Variants in PLD2 observed in about 807,000 individuals in gnomAD.
The protein encoded by PLD2 is phospholipase D2.
A neutral mutation model predicts 119.8 loss-of-function variants in PLD2; 101 were observed. The observed-to-expected ratio is 0.84, with a 90% CI of 0.72 to 0.99. The LOEUF (loss-of-function observed/expected upper bound fraction) is 0.99. Among genes scored for constraint, PLD2 ranks in the 50% least tolerant of loss-of-function variants. The pLI, the probability that PLD2 is intolerant of heterozygous loss-of-function variation, is 0.00. For synonymous variants in PLD2, 494 were observed against 482.8 expected (o/e 1.02, Z -0.30); for missense variants, 1,164 against 1,226.8 (o/e 0.95, Z 0.76).
intron 10 of PLD2, among the ~76,000 whole-genome samples, chr17:4,813,213 T>A (rs989874848): frequency 6.6e-6 from 1 of 152,184 alleles, no homozygotes; most frequent in Admixed American, 6.5e-5. Context: ...TTTCACCATG[T>A]TGGCCAGGCT....
Position 4,808,980 on chromosome 17 carries a change from C to T in PLD2, c.384-120C>T. 2.7e-6 allele frequency: 2 copies of T among 753,670 alleles called. No homozygotes were observed. Among genetic ancestry groups the T allele is most frequent in the South Asian group, 3.2e-5 (2 of 62,146 alleles). The allele number at this position is 753,670 out of a possible 1,614,324, so 46.7% of individuals were successfully genotyped here. A position where few individuals can be genotyped will look rare whatever the true frequency, so the allele number is the denominator to read the frequency against. ...AAGTGCTGGGATTCCAGGCGTGAGC[C>T]ACCACGCCTGGCCACCTCCAGGCCT... On this transcript the variant is annotated intron_variant, in intron 4 of 24. Coordinates refer to ENST00000263088, the MANE Select transcript of PLD2 (RefSeq NM_002663.5). The surrounding 1 kb of genome is among the most constrained non-coding windows in gnomAD (Gnocchi z 4.1).
At chr17:4,816,798 G>C (rs1391005113) in intron 15 of PLD2, 52 bp downstream of exon 15, 1 of 1,613,612 alleles carries the variant, frequency 6.2e-7, no homozygotes, top group Admixed American at 1.7e-5. Flanking sequence ...AGGGTCAGAA[G>C]CTGGGGCTGG....
At position 4,807,985 on chromosome 17, in the gene PLD2, C is replaced by T. The variant is rs201025028; in HGVS notation, c.111C>T (p.Ala37=). 11 of 1,607,464 alleles carry T rather than the reference C, an allele frequency of 6.8e-6. No homozygotes were observed. The highest frequency in any genetic ancestry group is 8.5e-6 in the Non-Finnish European group (10 of 1,174,588). Residue 37 remains alanine, a splice_region_variant and synonymous_variant, in exon 3 of 25, where the codon GCC becomes GCT. Transcript: ENST00000263088. This position sits in a 1 kb window ranked among gnomAD's most constrained non-coding sequence, Gnocchi z 5.4. The part of the protein sequence containing the change: ...VDTLKEGEDP[A]DRMHPFLAIY... Reference sequence around the variant, plus strand: ...CTCCTCGACTTTCTTTCCTCCCAGCCGACCGGATGCACCCGTTTCTGGCCA... The same window carrying T: ...CTCCTCGACTTTCTTTCCTCCCAGCTGACCGGATGCACCCGTTTCTGGCCA...
In PLD2 at chr17:4,816,982, T is replaced by C. The variant is rs756658452; in HGVS notation, c.1628T>C (p.Val543Ala). ...ETTPRMPWRD[V>A]GVVVHGLPAR... Reference sequence around the variant, plus strand: ...ACCCCTCGGATGCCATGGCGGGACGTTGGGGTGGTCGTCCATGGCCTACCG... The same window carrying C: ...ACCCCTCGGATGCCATGGCGGGACGCTGGGGTGGTCGTCCATGGCCTACCG... The change falls in exon 16 of 25, where the codon GTT becomes GCT. Residue 543 changes from valine (V) to alanine (A), a missense_variant. Transcript: ENST00000263088. 4 of 1,614,048 alleles carry C rather than the reference T, an allele frequency of 2.5e-6. No homozygotes were observed. Among genetic ancestry groups the C allele is most frequent in the Admixed American group, 1.7e-5 (1 of 60,016 alleles).
chr17:4,818,044 A>C lies in PLD2; in HGVS notation c.1858A>C (p.Asn620His). 6.2e-7 allele frequency: 1 copy of C among 1,614,104 alleles called. No homozygotes were observed. The highest frequency in any genetic ancestry group is 8.5e-7 in the Non-Finnish European group (1 of 1,179,932). Residue 620 changes from asparagine to histidine, a missense_variant, in exon 18 of 25, where the codon AAC (asparagine) becomes CAC (histidine). By Grantham distance (68) the Asn-to-His change is moderately conservative. Transcript: ENST00000263088. The part of the protein sequence containing the change: ...VDRWSAGTLE[N>H]SILNAYLHTI... The stretch of plus-strand genomic sequence containing the variant: ...CCGCTGGTCAGCAGGGACTCTGGAG[A>C]ACTCCATCCTCAATGCCTACCTGCA...
intron 10 of PLD2, among the ~76,000 whole-genome samples, chr17:4,811,450 T>C (rs914749126): frequency 6.7e-5 from 7 of 104,108 alleles, no homozygotes. Context: ...CTAATTTTTG[T>C]ATTTTTAGTA....
chr17:4,817,905 C>T (rs928726740), intron 17 of PLD2, 97 bp from the exon 18 acceptor site: 15 of 772,292 alleles, frequency 1.9e-5, no homozygotes, highest in African/African-American at 1.4e-4. Context: ...TTGCAGTGAG[C>T]GGAGATCATG....
In PLD2 at chr17:4,809,981, A is replaced by G. The variant is rs1906284904; in HGVS notation, c.812A>G (p.Lys271Arg). The change falls in exon 9 of 25, where the codon AAA (lysine) becomes AGA (arginine). Residue 271 changes from lysine to arginine, a missense_variant. Lys to Arg is a conservative substitution (Grantham distance 26). Transcript: ENST00000263088. ...FDPGFEVQVG[K>R]RSTEARHGVR... is the part of the protein sequence containing the mutation. ...CCTGGCTTTGAGGTGCAAGTGGGGA[A>G]AAGGAGCACGGAGGCACGGCACGGC... 1 of 1,613,974 alleles carries G rather than the reference A, an allele frequency of 6.2e-7. No homozygotes were observed. The highest frequency in any genetic ancestry group is 1.3e-5 in the African/African-American group (1 of 75,048).
chr17:4,815,694 TCTCC>T, intron 13 of PLD2, 66 bp from the exon 14 acceptor site: 1 of 1,600,268 alleles, frequency 6.2e-7, no homozygotes, highest in Non-Finnish European at 8.5e-7. Context: ...ATCTTTCCTC[TCTCC>T]CTCCCAGTAC....
In PLD2 at chr17:4,819,152, C is replaced by T. The variant is rs1420315024; in HGVS notation, c.2242C>T (p.Pro748Ser). The change falls in exon 22 of 25, where the codon CCC becomes TCC. Residue 748 changes from proline (P) to serine (S), a missense_variant. Pro to Ser is a moderately conservative substitution (Grantham distance 74). Transcript: ENST00000263088. This position sits in a 1 kb window ranked among gnomAD's most constrained non-coding sequence, Gnocchi z 4.2. ...TACACACGGAGAGCTGGGCGGGCAC[C>T]CCGTCTCGGAGCTCATCTACATCCA... is the stretch of plus-strand genomic sequence containing the variant. ...LRTHGELGGHPVSELIYIHSK... is the reference protein window; with the variant it reads ...LRTHGELGGHSVSELIYIHSK... 1 of 1,614,116 alleles carries T rather than the reference C, an allele frequency of 6.2e-7. No individual in the cohort carries two copies. Among genetic ancestry groups the T allele is most frequent in the South Asian group, 1.1e-5 (1 of 91,078 alleles).
In PLD2 at chr17:4,822,857, G is replaced by A. The variant is rs756276907; in HGVS notation, c.2795G>A (p.Trp932Ter). 33 of 1,587,376 alleles carry A rather than the reference G, an allele frequency of 2.1e-5. No homozygotes were observed. The highest frequency in any genetic ancestry group is 2.7e-5 in the Non-Finnish European group (31 of 1,157,232). The change falls in exon 25 of 25, where the codon TGG (tryptophan) becomes TAG (stop). Residue 932 changes from tryptophan (W) to a stop codon, truncating the protein, a stop_gained. Transcript: ENST00000263088. LOFTEE classifies it high-confidence loss of function. ...GAGGGCATGATCCCCCTAGAAGTGTGGACATAGTTGAGGCCCCCGTCAGGG... is the reference window on the plus strand; with the variant it reads ...GAGGGCATGATCCCCCTAGAAGTGTAGACATAGTTGAGGCCCCCGTCAGGG... ...SKEGMIPLEV[W>*]T
rs780985200 is a variant in PLD2, at chr17:4,821,927, G to A, written c.2577+20G>A. The A allele has an allele frequency of 1.0e-5, 15 of 1,506,600 alleles. No individual in the cohort carries two copies. Among genetic ancestry groups the A allele is most frequent in the Middle Eastern group, 3.4e-4 (2 of 5,826 alleles). The allele number at this position is 1,506,600 out of a possible 1,614,324, so 93.3% of individuals were successfully genotyped here. ...GAGCAGGTGGGAACTTGGGAGGGGT[G>A]GGGGAGAGTGGCCTGGGGAAATTTG... On this transcript the variant is annotated intron_variant, in intron 24 of 24. Coordinates refer to ENST00000263088, the MANE Select transcript of PLD2 (RefSeq NM_002663.5).
chr17:4,815,418 G>A (rs1052438579), intron 12 of PLD2, 58 bp from the exon 13 acceptor site: 6 of 1,034,820 alleles, frequency 5.8e-6, no homozygotes, highest in African/African-American at 4.6e-5. Context: ...GTTTGGGAGT[G>A]TGGAAAGGGG....
chr17:4,816,744 A>C lies in PLD2; in HGVS notation c.1580A>C (p.Glu527Ala). The change falls in exon 15 of 25, where the codon GAA becomes GCA. Residue 527 changes from glutamate (E) to alanine (A), a missense_variant and splice_region_variant. By Grantham distance (107) the Glu-to-Ala change is moderately radical (BLOSUM62 -1). Transcript: ENST00000263088. ...TGGGTGCAGCTGGACCGGCCTTTCG[A>C]AGGTGAAGCCTCCCACCCGCCAAAG... is the stretch of plus-strand genomic sequence containing the variant. ...KDWVQLDRPF[E>A]DFIDRETTPR... 1 of 1,614,148 alleles carries C rather than the reference A, an allele frequency of 6.2e-7. No individual in the cohort carries two copies. The highest frequency in any genetic ancestry group is 1.1e-5 in the South Asian group (1 of 91,080).
chr17:4,822,748 C>T lies in PLD2; in HGVS notation c.2686C>T (p.Leu896Phe). 1 of 1,613,920 alleles carries T rather than the reference C, an allele frequency of 6.2e-7. No homozygotes were observed. The highest frequency in any genetic ancestry group is 8.5e-7 in the Non-Finnish European group (1 of 1,179,770). Residue 896 changes from leucine to phenylalanine, a missense_variant, in exon 25 of 25, where the codon CTC becomes TTC. By Grantham distance (22) the Leu-to-Phe change is conservative. Coordinates refer to ENST00000263088, the MANE Select transcript of PLD2 (RefSeq NM_002663.5). ...CAGTCCCCCCTTGGCTCGGTCTGAG[C>T]TCACCCAGGTCCAGGGCCACCTGGT... ...TVSPPLARSE[L>F]TQVQGHLVHF...
chr17:4,812,716 T>C (rs965818647), intron 10 of PLD2, among the ~76,000 whole-genome samples: 7 of 152,148 alleles, frequency 4.6e-5, no homozygotes, highest in African/African-American at 1.7e-4. Flanking sequence ...TCCAGGACGA[T>C]AAAAATGTCC....
Position 4,818,772 on chromosome 17 carries a change from A to G in PLD2, c.2124-2A>G. The stretch of plus-strand genomic sequence containing the variant: ...CTTCTCTCCCTCTTTCTTTTCTCTC[A>G]GGACCCTGTGTCGTGGGGAGTATTC... On this transcript the variant is annotated splice_acceptor_variant, in intron 20 of 24. Transcript: ENST00000263088. LOFTEE classifies it high-confidence loss of function. The G allele has an allele frequency of 6.2e-7, 1 of 1,613,920 alleles. No homozygotes were observed. Among genetic ancestry groups the G allele is most frequent in the East Asian group, 2.2e-5 (1 of 44,874 alleles).
chr17:4,810,920 G>T lies in PLD2; in HGVS notation c.979G>T (p.Ala327Ser). The T allele has an allele frequency of 6.2e-7, 1 of 1,612,926 alleles. No homozygotes were observed. ...FLQLHRHDSYAPPRPGTLARW... is the reference protein window; with the variant it reads ...FLQLHRHDSYSPPRPGTLARW... ...ACAGCTGCACCGGCATGACAGCTAC[G>T]CCCCACCCCGGCCTGGGACCTTGGC... Residue 327 changes from alanine to serine, a missense_variant, in exon 10 of 25, where the codon GCC becomes TCC. Coordinates refer to ENST00000263088, the MANE Select transcript of PLD2 (RefSeq NM_002663.5).
chr17:4,812,865 A>T (rs914215880), intron 10 of PLD2, among the ~76,000 whole-genome samples: 3 of 152,190 alleles, frequency 2.0e-5, no homozygotes, highest in African/African-American at 7.2e-5. Flanking sequence ...CCACCAGGAC[A>T]TATTGTTGTT....
Sources: allele counts gnomAD v4.1 joint callset (sites outside exome capture counted in the v4.1 genomes callset), GRCh38; gene constraint gnomAD v4.1.1; non-coding constraint Gnocchi (gnomAD v3.1); transcripts MANE v1.5; gene names NCBI Gene and HGNC (gene_info 2026-07-23, HGNC 2026-07-21).